The following STX1B variants were observed in gnomAD, a reference collection of about 807,000 sequenced individuals.
STX1B encodes syntaxin 1B.
In STX1B, 7 loss-of-function variants were observed where a neutral mutation model predicts 39.4. That is an observed-to-expected ratio of 0.18 (90% CI 0.10 to 0.33). The LOEUF (loss-of-function observed/expected upper bound fraction) is 0.33, where lower values mean the gene tolerates loss of function less well. Ranked by LOEUF, STX1B falls within the 10% of genes least tolerant of loss-of-function variation. The probability of loss-of-function intolerance (pLI) is 1.00; values close to 1 mark genes in which losing one functional copy is unlikely to be tolerated. For missense variants in STX1B, 198 were observed against 383.2 expected, an observed-to-expected ratio of 0.52 and a Z score of 4.04; for synonymous variants, 136 against 144.1, an observed-to-expected ratio of 0.94 and a Z score of 0.40.
intron 4 of STX1B, 99 bp downstream of exon 4, chr16:31,000,829 G>T: frequency 1.7e-6 from 2 of 1,204,686 alleles, no homozygotes; most frequent in Non-Finnish European, 2.5e-6. Context: ...GAACTCCTGG[G>T]ATTGAGCAAT....
chr16:30,993,527 A>T, intron 7 of STX1B, 43 bp from the exon 8 acceptor site: 1 of 1,608,006 alleles, frequency 6.2e-7, no homozygotes. Flanking sequence ...CTTCTCCGCC[A>T]TGAGCGCCTC....
At position 31,001,963 on chromosome 16, in the gene STX1B, A is replaced by G. The variant is rs2056632426; in HGVS notation, c.31-360T>C. Reference sequence around the variant, plus strand: ...GGCTCCATGAAGGGTCCTGGACTAGAGTCCCGGGAGCCTGGATCTCCCTAC... The same window carrying G: ...GGCTCCATGAAGGGTCCTGGACTAGGGTCCCGGGAGCCTGGATCTCCCTAC... On this transcript the variant is annotated intron_variant, in intron 1 of 9. Transcript: ENST00000215095. This position sits in a 1 kb window ranked among gnomAD's most constrained non-coding sequence, Gnocchi z 5.5. 6.6e-6 allele frequency among the ~76,000 whole-genome samples: 1 copy of G among 152,108 alleles called. No individual in the cohort carries two copies. The highest frequency in any genetic ancestry group is 1.5e-5 in the Non-Finnish European group (1 of 68,004).
intron 7 of STX1B, among the ~76,000 whole-genome samples, chr16:30,995,128 G>A (rs907476480): frequency 8.6e-5 from 13 of 151,818 alleles, no homozygotes; most frequent in Non-Finnish European, 1.8e-4. Flanking sequence ...AAAAGAAATT[G>A]TTTTTTAAAT....
chr16:30,993,790 G>A (rs1050456698), intron 7 of STX1B, among the ~76,000 whole-genome samples: 23 of 147,102 alleles, frequency 1.6e-4, no homozygotes, highest in African/African-American at 5.3e-4. Context: ...TTTGAGACCA[G>A]CCTGGCCAAC....
At chr16:30,999,026 GA>G (rs963206788) in intron 4 of STX1B, among the ~76,000 whole-genome samples, 1 of 151,750 alleles carries the variant, frequency 6.6e-6, no homozygotes, top group Non-Finnish European at 1.5e-5. Flanking sequence ...TATGACTTTG[GA>G]AAAAAAAGTA....
chr16:30,994,421 CAAAAA>C (rs543652303), intron 7 of STX1B, among the ~76,000 whole-genome samples: 2 of 111,334 alleles, frequency 1.8e-5, no homozygotes, highest in Admixed American at 9.3e-5. Flanking sequence ...TTGTTTCTAT[CAAAAA>C]AAAAAAAAAA....
chr16:31,004,398 T>C (rs2056646163), intron 1 of STX1B, among the ~76,000 whole-genome samples: 1 of 152,086 alleles, frequency 6.6e-6, no homozygotes, highest in African/African-American at 2.4e-5. Flanking sequence ...CTCAGGCCAG[T>C]TGTAGTGGCT....
chr16:30,996,804 G>A, intron 6 of STX1B, 48 bp from the exon 7 acceptor site: 1 of 1,605,494 alleles, frequency 6.2e-7, no homozygotes, highest in Non-Finnish European at 8.5e-7. Flanking sequence ...CAGCCTGGGG[G>A]CCTGAGGTGG....
In STX1B at chr16:31,001,684, C is replaced by T; in HGVS notation, c.31-81G>A. ...GGCTCTCCAGCTCTCCCACCCTCTC[C>T]CTGCTATGCACACACAGGTGCTCCC... On this transcript the variant is annotated intron_variant, in intron 1 of 9. Transcript: ENST00000215095. The surrounding 1 kb of genome is among the most constrained non-coding windows in gnomAD (Gnocchi z 5.5). The T allele has an allele frequency of 8.9e-7, 1 of 1,126,012 alleles. No homozygotes were observed. The highest frequency in any genetic ancestry group is 1.3e-6 in the Non-Finnish European group (1 of 764,480). The allele number at this position is 1,126,012 out of a possible 1,614,324, so 69.8% of individuals were successfully genotyped here. A position where few individuals can be genotyped will look rare whatever the true frequency, so the allele number is the denominator to read the frequency against.
chr16:30,997,632 T>G, intron 4 of STX1B, 57 bp from the exon 5 acceptor site: 2 of 1,515,726 alleles, frequency 1.3e-6, no homozygotes, highest in Non-Finnish European at 1.8e-6. Flanking sequence ...GGGGCGAGGG[T>G]CCGGGGCGTA....
rs1222275720 is a variant in STX1B, at chr16:31,010,597, G to T, written c.-201C>A. ...AGGGGCCTGGGCCGGGCTCGGCTCT[G>T]CCGGGCTGCGGTGGCGATGCGGCTG... On this transcript the variant is annotated 5_prime_UTR_variant, in exon 1 of 10. Transcript: ENST00000215095. 3 of 159,162 alleles carry T rather than the reference G, an allele frequency of 1.9e-5. No individual in the cohort carries two copies. The highest frequency in any genetic ancestry group is 4.0e-5 in the Non-Finnish European group (3 of 75,216). The allele number at this position is 159,162 out of a possible 1,614,324, so 9.9% of individuals were successfully genotyped here.
Position 30,992,845 on chromosome 16 carries a change from G to A in STX1B, c.843C>T (p.Ser281=). 6.2e-7 allele frequency: 1 copy of A among 1,613,640 alleles called. No individual in the cohort carries two copies. Among genetic ancestry groups the A allele is most frequent in the Non-Finnish European group, 8.5e-7 (1 of 1,179,762 alleles). The change falls in exon 10 of 10, where the codon TCC becomes TCT. Residue 281 remains serine (S), a synonymous_variant. Transcript: ENST00000215095. ...CVVLGVVLAS[S]IGGTLGL is the part of the protein sequence containing the mutation. Reference sequence around the variant, plus strand: ...CCTACAAGCCCAGCGTCCCCCCAATGGATGACGCCAAGACCACCCCCAGCA... The same window carrying A: ...CCTACAAGCCCAGCGTCCCCCCAATAGATGACGCCAAGACCACCCCCAGCA...
chr16:30,992,534 T>TCACACG lies in STX1B; in HGVS notation c.*281_*286dup. On this transcript the variant is annotated 3_prime_UTR_variant, in exon 10 of 10. Transcript: ENST00000215095. ...GGGGTGCTCTGGTGCATCACACACA[T>TCACACG]CACACGCACACGCACGCTGGGGTGT... 1 of 366,920 alleles carries TCACACG rather than the reference T, an allele frequency of 2.7e-6. No individual in the cohort carries two copies. 22.7% of individuals were successfully genotyped at this position (366,920 alleles called of 1,614,324 possible).
chr16:30,995,286 C>T (rs1007428979), intron 7 of STX1B, among the ~76,000 whole-genome samples: 32 of 151,986 alleles, frequency 2.1e-4, no homozygotes, highest in Admixed American at 3.3e-4. Flanking sequence ...CTGCTCAATG[C>T]GTTTTCAACA....
intron 4 of STX1B, among the ~76,000 whole-genome samples, chr16:31,000,333 T>G (rs1233181813): frequency 5.4e-3 from 2 of 368 alleles, no homozygotes; most frequent in African/African-American, 2.8e-3. Context: ...TTGTTTTTTG[T>G]TTTTTTTTTT....
Position 30,993,135 on chromosome 16 carries a change from G to C in STX1B, c.781C>G (p.Arg261Gly). ...KKAVKYQSKA[R>G]RKKIMIIICC... ...AGGCCGCCTGCCCCGCTCACCCTCC[G>C]GGCCTTGCTCTGATATTTCACTGCT... Residue 261 changes from arginine (R) to glycine (G), a missense_variant, in exon 9 of 10, where the codon CGG becomes GGG. Coordinates refer to ENST00000215095, the MANE Select transcript of STX1B (RefSeq NM_052874.5). 6.2e-7 allele frequency: 1 copy of C among 1,614,108 alleles called. No individual in the cohort carries two copies. The highest frequency in any genetic ancestry group is 8.5e-7 in the Non-Finnish European group (1 of 1,179,962).
At chr16:30,999,486 A>G (rs2056612576) in intron 4 of STX1B, among the ~76,000 whole-genome samples, 1 of 152,196 alleles carries the variant, frequency 6.6e-6, no homozygotes, top group African/African-American at 2.4e-5. Flanking sequence ...TAACACTGCT[A>G]TTTCCCTGGT....
intron 1 of STX1B, among the ~76,000 whole-genome samples, chr16:31,005,968 C>T (rs1301783990): frequency 6.6e-6 from 1 of 152,068 alleles, no homozygotes; most frequent in Non-Finnish European, 1.5e-5. Context: ...ACGGCAAGGA[C>T]AGATACAGAA....
chr16:31,009,688 CT>C (rs2056671373), intron 1 of STX1B, among the ~76,000 whole-genome samples: 1 of 151,844 alleles, frequency 6.6e-6, no homozygotes. Context: ...CAGCCCTTGA[CT>C]GCCCGGGGTG....
Sources: gnomAD v4.1 joint callset for allele counts (sites outside exome capture counted in the v4.1 genomes callset) on GRCh38, gnomAD v4.1.1 for gene constraint, Gnocchi (gnomAD v3.1) non-coding constraint, MANE v1.5 for transcripts, NCBI Gene and HGNC (gene_info 2026-07-23, HGNC 2026-07-21) for gene names.